RAB33A: variants seen among roughly 807,000 people sequenced by gnomAD.
RAB33A encodes the protein ras-related protein Rab-33A.
Under a neutral mutation model 12.0 loss-of-function variants are expected in RAB33A, and 6 were observed. The ratio of observed to expected loss-of-function variants is 0.50; its 90% CI spans 0.27 to 0.99. The LOEUF (loss-of-function observed/expected upper bound fraction) is 0.99. Among genes scored for constraint, RAB33A ranks in the 50% least tolerant of loss-of-function variants. RAB33A has a pLI of 0.11. For synonymous variants in RAB33A, 70 were observed against 82.4 expected, an observed-to-expected ratio of 0.85 and a Z score of 0.81; for missense variants, 109 against 192.0, an observed-to-expected ratio of 0.57 and a Z score of 2.55.
chrX:130,149,041 C>T, the RAB33A span, among the ~76,000 whole-genome samples: 1 of 104,752 alleles, frequency 9.5e-6, no homozygotes, highest in African/African-American at 3.5e-5. Context: ...CATGCCTCAG[C>T]CTCCCGAGCA....
intron 1 of RAB33A, among the ~76,000 whole-genome samples, chrX:130,179,096 G>A (rs1287121534): frequency 1.8e-5 from 2 of 109,944 alleles, no homozygotes; most frequent in Non-Finnish European, 3.8e-5. Context: ...CCCCTCTCAC[G>A]ACAGACACGT....
At chrX:130,126,664 G>A in the RAB33A span, among the ~76,000 whole-genome samples, 1 of 111,453 alleles carries the variant, frequency 9.0e-6, no homozygotes, top group South Asian at 3.8e-4. Context: ...GAGGTTACAA[G>A]ACAGAGGTGC....
chrX:130,132,800 G>A, the RAB33A span, among the ~76,000 whole-genome samples: 1 of 103,409 alleles, frequency 9.7e-6, no homozygotes, highest in Non-Finnish European at 2.0e-5. Flanking sequence ...AGGCCGGAGT[G>A]CAGTGGTGTG....
intron 1 of RAB33A, among the ~76,000 whole-genome samples, chrX:130,173,623 C>T: frequency 8.9e-6 from 1 of 112,056 alleles, no homozygotes; most frequent in Middle Eastern, 4.6e-3. Flanking sequence ...TAAGGGAGAG[C>T]CCCAGGGTAG....
the RAB33A span, among the ~76,000 whole-genome samples, chrX:130,112,633 G>C: frequency 8.9e-6 from 1 of 111,759 alleles, no homozygotes; most frequent in East Asian, 2.8e-4. Flanking sequence ...TTGGGATGCC[G>C]AGCGGGGTGG....
chrX:130,113,842 C>A, the RAB33A span, among the ~76,000 whole-genome samples: 1 of 112,263 alleles, frequency 8.9e-6, no homozygotes, highest in African/African-American at 3.2e-5. Flanking sequence ...ATCTGCACTT[C>A]CCTGCCCCCA....
At chrX:130,127,691 CTTTTT>C in the RAB33A span, among the ~76,000 whole-genome samples, 7 of 77,040 alleles carry the variant, frequency 9.1e-5, no homozygotes, top group African/African-American at 4.1e-4. Flanking sequence ...ATGAGTTTTC[CTTTTT>C]TTTTTTTTTT....
the RAB33A span, among the ~76,000 whole-genome samples, chrX:130,166,259 G>A: frequency 9.0e-6 from 1 of 111,714 alleles, no homozygotes; most frequent in Non-Finnish European, 1.9e-5. Context: ...GATCCGGCGT[G>A]TACTTCCATC....
At chrX:130,117,203 A>G in the RAB33A span, among the ~76,000 whole-genome samples, 1 of 111,932 alleles carries the variant, frequency 8.9e-6, no homozygotes. Flanking sequence ...GACAGAGCAA[A>G]AGACTCCATC....
At chrX:130,171,014 T>A (rs903196330), upstream of RAB33A, among the ~76,000 whole-genome samples, 2 of 113,098 alleles carry the variant, frequency 1.8e-5, no homozygotes, top group African/African-American at 6.4e-5. Context: ...CACAACCGAC[T>A]GCGGCAGCCA....
At chrX:130,120,815 C>T in the RAB33A span, among the ~76,000 whole-genome samples, 20 of 112,951 alleles carry the variant, frequency 1.8e-4, no homozygotes, top group Admixed American at 1.6e-3. Flanking sequence ...AGCCCGGATC[C>T]TGGTGGGGCT....
At chrX:130,135,068 T>C in the RAB33A span, among the ~76,000 whole-genome samples, 1 of 109,938 alleles carries the variant, frequency 9.1e-6, no homozygotes, top group Non-Finnish European at 1.9e-5. Context: ...GTCTTCTACA[T>C]TGACCACATA....
At chrX:130,153,682 A>G in the RAB33A span, among the ~76,000 whole-genome samples, 4 of 110,646 alleles carry the variant, frequency 3.6e-5, no homozygotes, top group Admixed American at 9.7e-5. Context: ...AGGGGAAGAC[A>G]CCGGAGTTCC....
Position 130,172,070 on chromosome X carries a change from A to G in RAB33A, c.8A>G (p.Gln3Arg). Reference sequence around the variant, plus strand: ...CGGTTCGGTCCGGGGGAGATGGCGCAGCCCATCCTGGGCCATGGGAGCCTG... The same window carrying G: ...CGGTTCGGTCCGGGGGAGATGGCGCGGCCCATCCTGGGCCATGGGAGCCTG... MAQPILGHGSLQP... is the reference protein window; with the variant it reads MARPILGHGSLQP... The change falls in exon 1 of 2, where the codon CAG becomes CGG. Residue 3 changes from glutamine to arginine, a missense_variant. Physicochemically the swap from Gln to Arg is conservative, Grantham distance 43. Coordinates refer to ENST00000257017, the MANE Select transcript of RAB33A (RefSeq NM_004794.3). 8.3e-7 allele frequency: 1 copy of G among 1,208,147 alleles called. No homozygotes were observed. The highest frequency in any genetic ancestry group is 1.1e-6 in the Non-Finnish European group (1 of 893,788).
At chrX:130,132,161 C>T in the RAB33A span, among the ~76,000 whole-genome samples, 3 of 111,810 alleles carry the variant, frequency 2.7e-5, no homozygotes, top group Admixed American at 1.9e-4. Context: ...TGTGAGCCAC[C>T]GCACCCGACC....
the RAB33A span, among the ~76,000 whole-genome samples, chrX:130,150,991 A>AAAAAAG: frequency 9.6e-6 from 1 of 104,441 alleles, no homozygotes; most frequent in African/African-American, 3.5e-5. Context: ...AAAAAAAAAA[A>AAAAAAG]AAAAGAAAAG....
the RAB33A span, among the ~76,000 whole-genome samples, chrX:130,138,191 T>C: frequency 3.0e-4 from 33 of 111,321 alleles, no homozygotes; most frequent in Middle Eastern, 9.3e-3. Flanking sequence ...TTAGGCTGGG[T>C]GTGGTGGCTC....
At chrX:130,118,839 CTG>C in the RAB33A span, among the ~76,000 whole-genome samples, 2 of 110,305 alleles carry the variant, frequency 1.8e-5, no homozygotes, top group Non-Finnish European at 3.8e-5. Context: ...GTGCATATGC[CTG>C]TGTGTGTGTG....
chrX:130,158,704 T>TAAAAAAAAAAA, the RAB33A span, among the ~76,000 whole-genome samples: 4 of 44,078 alleles, frequency 9.1e-5, no homozygotes, highest in Admixed American at 3.1e-4. Context: ...GCTGATGAGC[T>TAAAAAAAAAAA]AAAAAAAAAA....
Sources: gnomAD v4.1 joint callset for allele counts (sites outside exome capture counted in the v4.1 genomes callset) on GRCh38, gnomAD v4.1.1 for gene constraint, MANE v1.5 for transcripts, NCBI Gene and HGNC (gene_info 2026-07-23, HGNC 2026-07-21) for gene names.